The following MEF2C variants were observed in gnomAD, a reference collection of about 807,000 sequenced individuals.
MEF2C encodes myocyte-specific enhancer factor 2C.
A neutral mutation model predicts 50.5 loss-of-function variants in MEF2C; 6 were observed. That is an observed-to-expected ratio of 0.12 (90% CI 0.07 to 0.23). The LOEUF (loss-of-function observed/expected upper bound fraction) is 0.23. Among genes scored for constraint, MEF2C ranks in the 10% least tolerant of loss-of-function variants. The pLI, the probability that MEF2C is intolerant of heterozygous loss-of-function variation, is 1.00. For synonymous variants in MEF2C, 183 were observed against 228.0 expected, an observed-to-expected ratio of 0.80 and a Z score of 1.78; for missense variants, 276 against 605.0, an observed-to-expected ratio of 0.46 and a Z score of 5.70.
At chr5:88,731,669 A>C (rs1174549368) in intron 7 of MEF2C, 60 bp downstream of exon 7, 3 of 1,482,454 alleles carry the variant, frequency 2.0e-6, no homozygotes, top group South Asian at 2.4e-5. Context: ...ACAAATATAA[A>C]AACAGCAAAA....
intron 1 of MEF2C, among the ~76,000 whole-genome samples, chr5:88,834,291 T>C (rs1479371995): frequency 6.6e-6 from 1 of 152,160 alleles, no homozygotes; most frequent in African/African-American, 2.4e-5. Context: ...TGTATTCTGA[T>C]TGTAGATTTC....
rs1561920200 is a variant in MEF2C, at chr5:88,769,075, G to C, written c.259-7747C>G. 7.2e-5 allele frequency among the ~76,000 whole-genome samples: 11 copies of C among 152,246 alleles called. No individual in the cohort carries two copies. In the South Asian group the frequency reaches 2.1e-3, roughly 29 times the overall value. On this transcript the variant is annotated intron_variant, in intron 3 of 10. Transcript: ENST00000504921. ...GCTGAAAGAGGGCACAGAATTTTCA[G>C]CATGGAAAGAGAAAAAAGGGAGTGA...
chr5:88,752,432 C>T (rs917457080), intron 4 of MEF2C, among the ~76,000 whole-genome samples: 3 of 152,130 alleles, frequency 2.0e-5, no homozygotes, highest in Non-Finnish European at 2.9e-5. Context: ...AAATGCAAAC[C>T]GAAGCCTTTG....
intron 1 of MEF2C, among the ~76,000 whole-genome samples, chr5:88,846,443 C>T (rs570696045): frequency 6.6e-6 from 1 of 152,204 alleles, no homozygotes; most frequent in Admixed American, 6.5e-5. Context: ...AGCAGCAATA[C>T]CATGTAGTAA....
intron 1 of MEF2C, among the ~76,000 whole-genome samples, chr5:88,862,806 C>T (rs1233806420): frequency 6.6e-6 from 1 of 152,086 alleles, no homozygotes; most frequent in Admixed American, 6.6e-5. Context: ...CTCCCAGTTA[C>T]CTTGAGATCT....
At chr5:88,811,154 G>T (rs1802616308) in intron 2 of MEF2C, among the ~76,000 whole-genome samples, 1 of 152,058 alleles carries the variant, frequency 6.6e-6, no homozygotes, top group Non-Finnish European at 1.5e-5. Flanking sequence ...AGCATCTACA[G>T]GATGGTAAAC....
At chr5:88,773,298 G>A (rs1215871333) in intron 3 of MEF2C, among the ~76,000 whole-genome samples, 3 of 151,778 alleles carry the variant, frequency 2.0e-5, no homozygotes, top group Non-Finnish European at 4.4e-5. Flanking sequence ...AACACATAGA[G>A]GGCACTTATT....
chr5:88,781,539 T>C (rs746941909), intron 3 of MEF2C, among the ~76,000 whole-genome samples: 3 of 152,208 alleles, frequency 2.0e-5, no homozygotes, highest in Non-Finnish European at 4.4e-5. Flanking sequence ...TGTGTGTCTG[T>C]CCCTCCTCCA....
At chr5:88,818,876 A>T (rs1450757094) in intron 2 of MEF2C, among the ~76,000 whole-genome samples, 1 of 152,056 alleles carries the variant, frequency 6.6e-6, no homozygotes, top group Admixed American at 6.6e-5. Context: ...TTTTGATAGA[A>T]ATCACATTAA....
intron 1 of MEF2C, among the ~76,000 whole-genome samples, chr5:88,873,719 T>A (rs1205536412): frequency 2.1e-5 from 2 of 95,220 alleles, no homozygotes; most frequent in African/African-American, 6.1e-5. Flanking sequence ...TTTTTTTTTT[T>A]TTTTTTTTTT....
chr5:88,734,475 G>A lies in MEF2C; in HGVS notation c.638-2574C>T, dbSNP rs983062142. 26 of 982,968 alleles carry A rather than the reference G, an allele frequency of 2.6e-5. No individual in the cohort carries two copies. In the East Asian group the frequency reaches 8.1e-4, roughly 31 times the overall value. 60.9% of individuals were successfully genotyped at this position (982,968 alleles called of 1,614,324 possible). A position where few individuals can be genotyped will look rare whatever the true frequency, so the allele number is the denominator to read the frequency against. ...TATTTTGCTAAAAGGAAGTAAAACCGCTTCGTGAAATGTGTTGTCCTGTGA... is the reference window on the plus strand; with the variant it reads ...TATTTTGCTAAAAGGAAGTAAAACCACTTCGTGAAATGTGTTGTCCTGTGA... On this transcript the variant is annotated intron_variant, in intron 6 of 10. Transcript: ENST00000504921.
intron 1 of MEF2C, among the ~76,000 whole-genome samples, chr5:88,875,056 G>GT (rs1830654026): frequency 1.3e-5 from 2 of 151,886 alleles, no homozygotes; most frequent in African/African-American, 4.8e-5. Context: ...AATCACATGG[G>GT]TAACAGTTGA....
At chr5:88,805,036 T>C (rs1444142940) in intron 2 of MEF2C, among the ~76,000 whole-genome samples, 1 of 152,186 alleles carries the variant, frequency 6.6e-6, no homozygotes, top group Non-Finnish European at 1.5e-5. Context: ...AGATTTAATG[T>C]AGGGTATTTT....
intron 8 of MEF2C, 156 bp from the exon 9 acceptor site, chr5:88,729,503 T>C: frequency 1.5e-6 from 1 of 684,474 alleles, no homozygotes; most frequent in Non-Finnish European, 2.4e-6. Flanking sequence ...GCCAACCCTA[T>C]CATTTACAAT....
intron 6 of MEF2C, among the ~76,000 whole-genome samples, chr5:88,745,607 C>T (rs1462345688): frequency 1.3e-5 from 2 of 152,080 alleles, no homozygotes; most frequent in South Asian, 2.1e-4. Flanking sequence ...TCCAGGAGTT[C>T]AAGACCAGCC....
chr5:88,836,864 ACT>A (rs745807936), intron 1 of MEF2C, among the ~76,000 whole-genome samples: 125 of 151,980 alleles, frequency 8.2e-4, no homozygotes, highest in Non-Finnish European at 1.4e-3. Context: ...TCAAACCTAG[ACT>A]CTAAAAGAAA....
chr5:88,854,417 A>C (rs1287456683), intron 1 of MEF2C, among the ~76,000 whole-genome samples: 5 of 152,190 alleles, frequency 3.3e-5, no homozygotes, highest in African/African-American at 1.2e-4. Flanking sequence ...ACTTGGAAAG[A>C]TACTTTAAAA....
At chr5:88,746,368 CT>C (rs957695810) in intron 6 of MEF2C, 51 of 313,562 alleles carry the variant, frequency 1.6e-4, no homozygotes, top group African/African-American at 1.1e-3. Flanking sequence ...CCTTTTTGGT[CT>C]TTTAGTATTT....
chr5:88,874,723 A>G (rs1830542888), intron 1 of MEF2C, among the ~76,000 whole-genome samples: 1 of 151,982 alleles, frequency 6.6e-6, no homozygotes, highest in African/African-American at 2.4e-5. Flanking sequence ...AAATTAAATT[A>G]CACTTAACTG....
Sources: gnomAD v4.1 joint callset for allele counts (sites outside exome capture counted in the v4.1 genomes callset) on GRCh38, gnomAD v4.1.1 for gene constraint, MANE v1.5 for transcripts, NCBI Gene and HGNC (gene_info 2026-07-23, HGNC 2026-07-21) for gene names.